PEPD: variants seen among roughly 807,000 people sequenced by gnomAD.
PEPD encodes xaa-Pro dipeptidase.
A neutral mutation model predicts 60.7 loss-of-function variants in PEPD; 53 were observed. The observed-to-expected ratio is 0.87, with a 90% CI of 0.70 to 1.10. The LOEUF is 1.10. Ranked by LOEUF, PEPD falls within the 50% of genes least tolerant of loss-of-function variation. PEPD has a pLI of 0.00. For synonymous variants in PEPD, 267 were observed against 284.1 expected (o/e 0.94, Z 0.60); for missense variants, 711 against 711.9 (o/e 1.00, Z 0.01).
intron 12 of PEPD, among the ~76,000 whole-genome samples, chr19:33,399,098 C>T (rs2018910): frequency 0.17 from 25,284 of 152,170 alleles, 2,149 homozygotes; most frequent in Middle Eastern, 0.19. Flanking sequence ...ATTCGATTCT[C>T]GTGCCTTGGC....
intron 9 of PEPD, among the ~76,000 whole-genome samples, chr19:33,432,110 C>CTA (rs1220628766): frequency 3.9e-5 from 6 of 152,016 alleles, no homozygotes; most frequent in African/African-American, 1.5e-4. Flanking sequence ...GAAAGTGCAG[C>CTA]CCTATCCCTT....
In PEPD at chr19:33,391,365, G is replaced by A; in HGVS notation, c.1082C>T (p.Ala361Val). 1 of 1,609,164 alleles carries A rather than the reference G, an allele frequency of 6.2e-7. No homozygotes were observed. The highest frequency in any genetic ancestry group is 8.5e-7 in the Non-Finnish European group (1 of 1,178,192). Residue 361 changes from alanine (A) to valine (V), a missense_variant, in exon 13 of 15, where the codon GCC becomes GTC. By Grantham distance (64) the Ala-to-Val change is moderately conservative. Coordinates refer to ENST00000244137, the MANE Select transcript of PEPD (RefSeq NM_000285.4). ...GCCAAGCCCGTGAGGCATAAACACG[G>A]CCCCCAGGTGAGCCTGGACCATGGC... is the stretch of plus-strand genomic sequence containing the variant. Reference protein sequence around the residue: ...VDAMVQAHLGAVFMPHGLGHF... With the variant: ...VDAMVQAHLGVVFMPHGLGHF...
At chr19:33,441,297 G>C (rs1456193056) in intron 9 of PEPD, among the ~76,000 whole-genome samples, 1 of 152,194 alleles carries the variant, frequency 6.6e-6, no homozygotes, top group Non-Finnish European at 1.5e-5. Context: ...GACCACCTGG[G>C]AACGGTTGCC....
chr19:33,475,218 C>T (rs1647064592), intron 7 of PEPD, among the ~76,000 whole-genome samples: 1 of 152,018 alleles, frequency 6.6e-6, no homozygotes, highest in Non-Finnish European at 1.5e-5. Flanking sequence ...TGATGGTTTC[C>T]TGTTATCCCC....
intron 3 of PEPD, among the ~76,000 whole-genome samples, chr19:33,506,447 ACACT>A (rs772715859): frequency 8.9e-5 from 13 of 146,844 alleles, no homozygotes; most frequent in East Asian, 4.1e-4. Context: ...CACACACAAC[ACACT>A]CACACCCACC....
intron 9 of PEPD, among the ~76,000 whole-genome samples, chr19:33,421,438 G>A (rs1293922615): frequency 6.6e-6 from 1 of 152,190 alleles, no homozygotes; most frequent in African/African-American, 2.4e-5. Context: ...TCTTGTTAAA[G>A]CAAAGAACAT....
chr19:33,519,691 C>T (rs1411456667), intron 1 of PEPD, among the ~76,000 whole-genome samples: 1 of 152,202 alleles, frequency 6.6e-6, no homozygotes, highest in Non-Finnish European at 1.5e-5. Context: ...CAATAGCAGA[C>T]CTCTCTAAGA....
At chr19:33,508,434 G>A (rs529485116) in intron 3 of PEPD, among the ~76,000 whole-genome samples, 1 of 149,092 alleles carries the variant, frequency 6.7e-6, no homozygotes, top group Admixed American at 6.7e-5. Context: ...AACGGCTGGG[G>A]AATAAACGAC....
In PEPD at chr19:33,401,776, G is replaced by A. The variant is rs199621901; in HGVS notation, c.912C>T (p.Ala304=). The A allele has an allele frequency of 4.2e-5, 67 of 1,611,790 alleles. No individual in the cohort carries two copies. The Middle Eastern group carries it at 4.9e-4, about 12-fold the overall frequency. Residue 304 remains alanine (A), a synonymous_variant, in exon 12 of 15, where the codon GCC becomes GCT. Transcript: ENST00000244137. The part of the protein sequence containing the change: ...ANGKFTADQK[A]VYEAVLRSSR... ...AGCTCCGCAGCACTGCCTCATAGAC[G>A]GCCTTCTGGTCTGCAGTGAACTTGC...
At chr19:33,412,242 G>A (rs1392032839) in intron 10 of PEPD, among the ~76,000 whole-genome samples, 3 of 152,246 alleles carry the variant, frequency 2.0e-5, no homozygotes, top group African/African-American at 7.2e-5. Flanking sequence ...AGTTACTCAG[G>A]AGGCTGAGCT....
intron 12 of PEPD, among the ~76,000 whole-genome samples, chr19:33,394,242 G>C (rs1968311680): frequency 6.6e-6 from 1 of 152,216 alleles, no homozygotes; most frequent in African/African-American, 2.4e-5. Context: ...CACCAAAGGG[G>C]AGCCCCGGGA....
intron 5 of PEPD, among the ~76,000 whole-genome samples, chr19:33,493,018 A>G: frequency 6.6e-6 from 1 of 152,186 alleles, no homozygotes; most frequent in East Asian, 1.9e-4. Flanking sequence ...CTGGGACCAC[A>G]AGCACATGCC....
In PEPD at chr19:33,387,441, A is replaced by T; in HGVS notation, c.1385T>A (p.Ile462Lys). The T allele has an allele frequency of 2.5e-6, 4 of 1,613,974 alleles. No individual in the cohort carries two copies. The highest frequency in any genetic ancestry group is 3.4e-6 in the Non-Finnish European group (4 of 1,180,020). The change falls in exon 15 of 15, where the codon ATA (isoleucine) becomes AAA (lysine). Residue 462 changes from isoleucine to lysine, a missense_variant. Coordinates refer to ENST00000244137, the MANE Select transcript of PEPD (RefSeq NM_000285.4). ...EEDVVVTDSG[I>K]ELLTCVPRTV... ...GCGGGGCACGCAGGTCAGCAGCTCT[A>T]TGCCGCTGTCAGTCACCACGACGTC... is the stretch of plus-strand genomic sequence containing the variant.
At chr19:33,473,041 G>A (rs908922747) in intron 7 of PEPD, among the ~76,000 whole-genome samples, 1 of 152,208 alleles carries the variant, frequency 6.6e-6, no homozygotes, top group African/African-American at 2.4e-5. Context: ...GCTGCGAGCT[G>A]AGTGTGCCTG....
chr19:33,444,222 C>T (rs977604774), intron 9 of PEPD, among the ~76,000 whole-genome samples: 3 of 152,124 alleles, frequency 2.0e-5, no homozygotes, highest in Non-Finnish European at 2.9e-5. Flanking sequence ...ACACCACATA[C>T]ATGCATGCAT....
intron 12 of PEPD, 25 bp downstream of exon 12, chr19:33,401,696 C>A: frequency 6.3e-7 from 1 of 1,596,988 alleles, no homozygotes; most frequent in Non-Finnish European, 8.5e-7. Flanking sequence ...TCAGATGCGC[C>A]TCCCCCCACC....
At chr19:33,427,102 G>A (rs372792103) in intron 9 of PEPD, among the ~76,000 whole-genome samples, 1 of 152,250 alleles carries the variant, frequency 6.6e-6, no homozygotes, top group African/African-American at 2.4e-5. Context: ...AGGAACAACA[G>A]GAACGCTATT....
Position 33,479,443 on chromosome 19 carries a change from T to C in PEPD, c.504-1353A>G, listed in dbSNP as rs900670700. 7.2e-5 allele frequency among the ~76,000 whole-genome samples: 11 copies of C among 152,108 alleles called. No individual in the cohort carries two copies. In the East Asian group the frequency reaches 2.1e-3, roughly 29 times the overall value. ...TTTTAATTTTAAGTTCAGGGGTACATGTGCAGGTTTCTTACATAGGTAAAC... is the reference window on the plus strand; with the variant it reads ...TTTTAATTTTAAGTTCAGGGGTACACGTGCAGGTTTCTTACATAGGTAAAC... On this transcript the variant is annotated intron_variant, in intron 6 of 14. Transcript: ENST00000244137.
intron 9 of PEPD, among the ~76,000 whole-genome samples, chr19:33,462,065 C>T (rs567269948): frequency 5.9e-5 from 9 of 152,338 alleles, no homozygotes; most frequent in Non-Finnish European, 8.8e-5. Flanking sequence ...GGGCCCCATC[C>T]GACCTCGGCC....
Sources: allele counts gnomAD v4.1 joint callset (sites outside exome capture counted in the v4.1 genomes callset), GRCh38; gene constraint gnomAD v4.1.1; transcripts MANE v1.5; gene names NCBI Gene and HGNC (gene_info 2026-07-23, HGNC 2026-07-21).